Variants in CARD19 observed in about 807,000 individuals in gnomAD.
The protein encoded by CARD19 is caspase recruitment domain family member 19.
Under a neutral mutation model 24.1 loss-of-function variants are expected in CARD19, and 25 were observed. The observed-to-expected ratio is 1.04, with a 90% CI of 0.76 to 1.45. CARD19 has a LOEUF of 1.45. CARD19 is among the 40% of genes most tolerant of loss of function. The pLI, the probability that CARD19 is intolerant of heterozygous loss-of-function variation, is 0.00. For synonymous variants in CARD19, 103 were observed against 104.9 expected (o/e 0.98, Z 0.11); for missense variants, 241 against 247.4 (o/e 0.97, Z 0.17).
rs778968426 is a variant in CARD19 at position 93,111,885 on chromosome 9, C to T, written c.311C>T (p.Ser104Leu). 1 of 1,611,812 alleles carries T rather than the reference C, an allele frequency of 6.2e-7. No homozygotes were observed. The highest frequency in any genetic ancestry group is 8.5e-7 in the Non-Finnish European group (1 of 1,179,678). The stretch of plus-strand genomic sequence containing the variant: ...TCTGTGGTTTTGTTTCCAGAGAACT[C>T]AGATTGCACAGAGCTAGACTCGGGC... ...RLPSRHALQNSDCTELDSGSQ... is the reference protein window; with the variant it reads ...RLPSRHALQNLDCTELDSGSQ... The change falls in exon 4 of 6, where the codon TCA (serine) becomes TTA (leucine). Residue 104 changes from serine to leucine, a missense_variant. Physicochemically the swap from Ser to Leu is moderately radical, Grantham distance 145. Transcript: ENST00000375464.
At position 93,112,246 on chromosome 9, in the gene CARD19, C is replaced by T. The variant is rs376142343; in HGVS notation, c.393C>T (p.Gly131=). ...RGPMSFLAGL[G]LAVGLALLLY... ...CCATGAGCTTCCTGGCTGGCCTGGG[C>T]CTTGCTGTGGGACTGGCCCTGCTCC... The change falls in exon 5 of 6, where the codon GGC becomes GGT. Residue 131 remains glycine, a synonymous_variant. Coordinates refer to ENST00000375464, the MANE Select transcript of CARD19 (RefSeq NM_032310.5). 12 of 1,545,168 alleles carry T rather than the reference C, an allele frequency of 7.8e-6. No homozygotes were observed. The East Asian group carries it at 9.8e-5, about 13-fold the overall frequency.
intron 1 of CARD19, among the ~76,000 whole-genome samples, chr9:93,107,319 C>G (rs370004788): frequency 6.6e-6 from 1 of 152,272 alleles, no homozygotes; most frequent in Non-Finnish European, 1.5e-5. Flanking sequence ...GCCACCTGTG[C>G]CACCTGTACC....
chr9:93,108,937 C>T (rs894336013), intron 2 of CARD19: 2 of 152,300 alleles, frequency 1.3e-5, no homozygotes, highest in Admixed American at 6.5e-5. Context: ...CCCTGCCGAC[C>T]CTACCCACAT....
intron 1 of CARD19, among the ~76,000 whole-genome samples, chr9:93,100,962 T>A (rs544873480): frequency 5.3e-5 from 8 of 152,280 alleles, no homozygotes; most frequent in Non-Finnish European, 1.2e-4. Context: ...CACATTTTGA[T>A]AATTCATTCG....
At position 93,112,226 on chromosome 9, in the gene CARD19, A is replaced by G. The variant is rs1250858996; in HGVS notation, c.373A>G (p.Ser125Gly). The G allele has an allele frequency of 3.2e-6, 5 of 1,545,258 alleles. No individual in the cohort carries two copies. The highest frequency in any genetic ancestry group is 2.2e-4 in the Middle Eastern group (1 of 4,612). The change falls in exon 5 of 6, where the codon AGC becomes GGC. Residue 125 changes from serine to glycine, a missense_variant. Transcript: ENST00000375464. ...SGELSNRGPM[S>G]FLAGLGLAVG... is the part of the protein sequence containing the mutation. ...CGCTGGTTTCTCCCCAGGACCCATG[A>G]GCTTCCTGGCTGGCCTGGGCCTTGC...
rs1473240267 is a variant in CARD19, at chr9:93,107,726, T to G, written c.60T>G (p.His20Gln). ...LVQDTPFLTG[H>Q]GRLSEQQVDR... Reference sequence around the variant, plus strand: ...AGGACACGCCTTTCCTGACAGGCCATGGGCGCTTGAGTGAGCAGCAGGTGG... The same window carrying G: ...AGGACACGCCTTTCCTGACAGGCCAGGGGCGCTTGAGTGAGCAGCAGGTGG... Residue 20 changes from histidine to glutamine, a missense_variant, in exon 2 of 6, where the codon CAT becomes CAG. Coordinates refer to ENST00000375464, the MANE Select transcript of CARD19 (RefSeq NM_032310.5). The G allele has an allele frequency of 1.2e-6, 2 of 1,614,140 alleles. No individual in the cohort carries two copies. The highest frequency in any genetic ancestry group is 1.7e-6 in the Non-Finnish European group (2 of 1,180,040).
In CARD19 at chr9:93,109,458, C is replaced by T. The variant is rs1215671586; in HGVS notation, c.151-1110C>T. 2.1e-5 allele frequency among the ~76,000 whole-genome samples: 3 copies of T among 142,118 alleles called. No individual in the cohort carries two copies. The East Asian group carries it at 6.2e-4, about 29-fold the overall frequency. 93.2% of individuals were successfully genotyped at this position (142,118 alleles called of 152,430 possible). A position where few individuals can be genotyped will look rare whatever the true frequency, so the allele number is the denominator to read the frequency against. On this transcript the variant is annotated intron_variant, in intron 2 of 5. Transcript: ENST00000375464. ...TTCTCTGTCATACACATCAAAAGAG[C>T]CAATACTTCTGTCTTTTTTTTTTTT...
chr9:93,112,411 G>A, intron 5 of CARD19, 122 bp downstream of exon 5: 1 of 783,792 alleles, frequency 1.3e-6, no homozygotes. Flanking sequence ...CCACACTTGT[G>A]CAGTGGGATG....
At chr9:93,101,902 G>T (rs1322285379) in intron 1 of CARD19, among the ~76,000 whole-genome samples, 1 of 151,200 alleles carries the variant, frequency 6.6e-6, no homozygotes, top group Non-Finnish European at 1.5e-5. Flanking sequence ...TAATGAGTAC[G>T]AAGTGATATC....
chr9:93,102,710 A>T (rs1827129382), intron 1 of CARD19, among the ~76,000 whole-genome samples: 1 of 148,112 alleles, frequency 6.8e-6, no homozygotes, highest in African/African-American at 2.5e-5. Context: ...GAAATTCTAT[A>T]TGAGTTTTGG....
intron 1 of CARD19, 108 bp from the exon 2 acceptor site, chr9:93,107,566 G>T (rs1827308971): frequency 6.0e-6 from 8 of 1,327,900 alleles, no homozygotes; most frequent in Non-Finnish European, 8.4e-6. Flanking sequence ...CTCCTGGTGG[G>T]AACCCACCTT....
At chr9:93,109,367 C>T (rs766487012) in intron 2 of CARD19, among the ~76,000 whole-genome samples, 1 of 152,094 alleles carries the variant, frequency 6.6e-6, no homozygotes, top group Non-Finnish European at 1.5e-5. Flanking sequence ...CAGCACCAGG[C>T]CACAGACTCC....
intron 2 of CARD19, among the ~76,000 whole-genome samples, chr9:93,108,485 A>T (rs1470734157): frequency 6.6e-6 from 1 of 151,244 alleles, no homozygotes; most frequent in African/African-American, 2.4e-5. Flanking sequence ...AGCCTCCCCC[A>T]TGTGTGGAGT....
intron 1 of CARD19, among the ~76,000 whole-genome samples, chr9:93,101,509 G>A (rs1827082860): frequency 1.3e-5 from 2 of 150,186 alleles, no homozygotes; most frequent in Admixed American, 1.3e-4. Context: ...GCATGATCTT[G>A]GCTCACTGCA....
At chr9:93,097,306 C>T (rs573946871) in intron 1 of CARD19, among the ~76,000 whole-genome samples, 2 of 152,112 alleles carry the variant, frequency 1.3e-5, no homozygotes, top group South Asian at 2.1e-4. Context: ...AATAGGATCT[C>T]ATGGGCTGGA....
At chr9:93,098,537 T>C (rs1418505095) in intron 1 of CARD19, among the ~76,000 whole-genome samples, 1 of 152,232 alleles carries the variant, frequency 6.6e-6, no homozygotes, top group East Asian at 1.9e-4. Flanking sequence ...TTGCCAGGTC[T>C]GTGCCAGAGC....
chr9:93,104,656 T>A (rs529338413), intron 1 of CARD19, among the ~76,000 whole-genome samples: 1 of 152,354 alleles, frequency 6.6e-6, no homozygotes, highest in East Asian at 1.9e-4. Flanking sequence ...TGGTCAGATT[T>A]TCTATTTCTT....
intron 3 of CARD19, 197 bp from the exon 4 acceptor site, chr9:93,111,682 G>A (rs1235209933): frequency 7.1e-7 from 1 of 1,407,512 alleles, no homozygotes; most frequent in Non-Finnish European, 9.2e-7. Context: ...GTGCCTTTAG[G>A]CCCGTCCAGG....
intron 1 of CARD19, among the ~76,000 whole-genome samples, chr9:93,099,880 C>T (rs1827015273): frequency 6.6e-6 from 1 of 152,224 alleles, no homozygotes; most frequent in Non-Finnish European, 1.5e-5. Context: ...GGCTGATGGC[C>T]TCAATGTGGG....
Sources: gnomAD v4.1 joint callset for allele counts (sites outside exome capture counted in the v4.1 genomes callset) on GRCh38, gnomAD v4.1.1 for gene constraint, MANE v1.5 for transcripts, NCBI Gene and HGNC (gene_info 2026-07-23, HGNC 2026-07-21) for gene names.